KCNQ1: variants seen among roughly 807,000 people sequenced by gnomAD.
KCNQ1 encodes the protein potassium voltage-gated channel subfamily KQT member 1.
In KCNQ1, 49 loss-of-function variants were observed where a neutral mutation model predicts 72.4. The observed-to-expected ratio is 0.68, with a 90% CI of 0.54 to 0.86. The LOEUF (loss-of-function observed/expected upper bound fraction) is 0.86, where lower values mean the gene tolerates loss of function less well. Among genes scored for constraint, KCNQ1 ranks in the 40% least tolerant of loss-of-function variants. The probability of loss-of-function intolerance (pLI) is 0.00; values close to 1 mark genes in which losing one functional copy is unlikely to be tolerated. For missense variants in KCNQ1, 790 were observed against 945.1 expected (o/e 0.84, Z 2.15); for synonymous variants, 450 against 412.6 (o/e 1.09, Z -1.10).
chr11:2,709,589 T>G (rs991982017), intron 11 of KCNQ1, among the ~76,000 whole-genome samples: 3 of 152,082 alleles, frequency 2.0e-5, no homozygotes, highest in Non-Finnish European at 2.9e-5. Context: ...CAGAACATTT[T>G]CAGTGCCCCT....
intron 2 of KCNQ1, among the ~76,000 whole-genome samples, chr11:2,556,052 G>C (rs570682752): frequency 6.6e-6 from 1 of 152,334 alleles, no homozygotes; most frequent in East Asian, 1.9e-4. Context: ...AGGTATCAGC[G>C]AGGTGGGTTC....
chr11:2,571,480 GC>G, intron 4 of KCNQ1, 77 bp downstream of exon 4: 1 of 1,212,248 alleles, frequency 8.2e-7, no homozygotes, highest in Non-Finnish European at 1.2e-6. Flanking sequence ...GTGGTCTCAC[GC>G]CCCATCCACC....
At chr11:2,780,845 G>A (rs534162463) in intron 15 of KCNQ1, among the ~76,000 whole-genome samples, 13 of 152,276 alleles carry the variant, frequency 8.5e-5, no homozygotes, top group East Asian at 1.9e-4. Context: ...CTCCCTTCTC[G>A]TCACAGTCCT....
intron 10 of KCNQ1, chr11:2,641,770 A>C (rs934009914): frequency 1.0e-5 from 4 of 398,306 alleles, no homozygotes; most frequent in Non-Finnish European, 8.9e-6. Flanking sequence ...TTATAGTTTC[A>C]TGCCTCATGT....
chr11:2,685,531 G>A, intron 11 of KCNQ1: 1 of 398,748 alleles, frequency 2.5e-6, no homozygotes. Context: ...TCCTACAGGT[G>A]CAGTGGGAGG....
intron 11 of KCNQ1, chr11:2,697,846 T>C (rs1267618993): frequency 5.0e-6 from 2 of 398,556 alleles, no homozygotes; most frequent in Admixed American, 4.4e-5. Context: ...TCTATCTGAA[T>C]TTGGACATGC....
chr11:2,606,652 A>G (rs539963781), intron 10 of KCNQ1, among the ~76,000 whole-genome samples: 1 of 152,188 alleles, frequency 6.6e-6, no homozygotes, highest in Non-Finnish European at 1.5e-5. Flanking sequence ...TTCTTTATAA[A>G]TTACCCAGCC....
chr11:2,832,729 G>A (rs768771518), intron 15 of KCNQ1, among the ~76,000 whole-genome samples: 26 of 152,324 alleles, frequency 1.7e-4, no homozygotes, highest in South Asian at 1.4e-3. Flanking sequence ...ATCACTGAGC[G>A]GCCCAGCTGT....
rs531471524 is a variant in KCNQ1 at position 2,663,613 on chromosome 11, G to C, written c.1514+1532G>C. ...CGCTCACCTTGGTTCTCTTGGTCAC[G>C]GACCAGCATCCAGACATGCAAAAAG... is the stretch of plus-strand genomic sequence containing the variant. On this transcript the variant is annotated intron_variant, in intron 11 of 15. Transcript: ENST00000155840. This position sits in a 1 kb window ranked among gnomAD's most constrained non-coding sequence, Gnocchi z 5.2. 5.0e-6 allele frequency: 2 copies of C among 398,626 alleles called. No individual in the cohort carries two copies. The highest frequency in any genetic ancestry group is 8.8e-6 in the Non-Finnish European group (2 of 226,106). 24.7% of individuals were successfully genotyped at this position (398,626 alleles called of 1,614,324 possible).
rs1267629283 is a variant in KCNQ1 at position 2,479,796 on chromosome 11, C to G, written c.386+34312C>G. On this transcript the variant is annotated intron_variant, in intron 1 of 15. Transcript: ENST00000155840. This position sits in a 1 kb window ranked among gnomAD's most constrained non-coding sequence, Gnocchi z 4.6. ...CAGAAAATGGGTTTTTATTTTCTAT[C>G]ACATTTTCAGACTGCAAATTTTCTG... Among the ~76,000 whole-genome samples, 2 of 152,200 alleles carry G rather than the reference C, an allele frequency of 1.3e-5. No homozygotes were observed. Among genetic ancestry groups the G allele is most frequent in the African/African-American group, 4.8e-5 (2 of 41,434 alleles).
At chr11:2,485,399 A>G (rs1309953525) in intron 1 of KCNQ1, among the ~76,000 whole-genome samples, 2 of 120,790 alleles carry the variant, frequency 1.7e-5, no homozygotes, top group Admixed American at 2.3e-4. Flanking sequence ...CCAGCTCTTC[A>G]GCCTTTCATG....
intron 15 of KCNQ1, among the ~76,000 whole-genome samples, chr11:2,806,965 G>A (rs1253894629): frequency 2.6e-5 from 4 of 152,140 alleles, no homozygotes; most frequent in Non-Finnish European, 5.9e-5. Flanking sequence ...CAGGTTGGGC[G>A]GGGTCCCTGG....
chr11:2,667,497 C>T (rs1451186927), intron 11 of KCNQ1: 2 of 398,242 alleles, frequency 5.0e-6, no homozygotes, highest in Non-Finnish European at 8.8e-6. Flanking sequence ...AACATTCACG[C>T]CACAGAGGTG....
chr11:2,643,448 T>C, intron 10 of KCNQ1: 1 of 398,454 alleles, frequency 2.5e-6, no homozygotes, highest in Non-Finnish European at 4.4e-6. Flanking sequence ...TTAACCTTTG[T>C]TTTATCTGAT....
chr11:2,519,722 A>C (rs559500496), intron 1 of KCNQ1, among the ~76,000 whole-genome samples: 1 of 152,338 alleles, frequency 6.6e-6, no homozygotes, highest in African/African-American at 2.4e-5. Context: ...AAATCTACCA[A>C]TAGTGATCAT....
intron 1 of KCNQ1, among the ~76,000 whole-genome samples, chr11:2,496,964 C>G (rs1846933408): frequency 6.6e-6 from 1 of 152,108 alleles, no homozygotes; most frequent in African/African-American, 2.4e-5. Flanking sequence ...CTTGAAAATT[C>G]TTTTCTTTAT....
chr11:2,493,987 AT>A lies in KCNQ1; in HGVS notation c.387-33933del, dbSNP rs202061193. On this transcript the variant is annotated intron_variant, in intron 1 of 15. Coordinates refer to ENST00000155840, the MANE Select transcript of KCNQ1 (RefSeq NM_000218.3). This position sits in a 1 kb window ranked among gnomAD's most constrained non-coding sequence, Gnocchi z 5.3. Reference sequence around the variant, plus strand: ...GATTATTCCTATCCATGAGCATGGAATTTTTTTTCCATTTGTTTGTGTCCTT... The same window carrying A: ...GATTATTCCTATCCATGAGCATGGAATTTTTTTCCATTTGTTTGTGTCCTT... 0.12 allele frequency among the ~76,000 whole-genome samples: 17,603 copies of A among 151,958 alleles called. 1,212 individuals carry two copies. The highest frequency in any genetic ancestry group is 0.18 in the African/African-American group (7,353 of 41,416).
intron 10 of KCNQ1, chr11:2,648,981 C>CTTTTTTTTTTTTTTTTTTTTTGTTTTTT: frequency 4.7e-6 from 1 of 213,306 alleles, no homozygotes; most frequent in Non-Finnish European, 7.8e-6. Flanking sequence ...TTTTCTTTTT[C>CTTTTTTTTTTTTTTTTTTTTTGTTTTTT]TTTTTTTTTT....
At chr11:2,726,636 AC>A (rs1277411130) in intron 11 of KCNQ1, among the ~76,000 whole-genome samples, 3 of 152,120 alleles carry the variant, frequency 2.0e-5, no homozygotes, top group Non-Finnish European at 4.4e-5. Context: ...AAAGGGGATG[AC>A]CCATTCCTAG....
Sources: allele counts gnomAD v4.1 joint callset (sites outside exome capture counted in the v4.1 genomes callset), GRCh38; gene constraint gnomAD v4.1.1; non-coding constraint Gnocchi (gnomAD v3.1); transcripts MANE v1.5; gene names NCBI Gene and HGNC (gene_info 2026-07-23, HGNC 2026-07-21).